The following GMPR2 variants were observed in gnomAD, a reference collection of about 807,000 sequenced individuals.
GMPR2 encodes guanosine monophosphate reductase 2.
A neutral mutation model predicts 38.5 loss-of-function variants in GMPR2; 32 were observed. The observed-to-expected ratio is 0.83, with a 90% CI of 0.63 to 1.12. The LOEUF is 1.12. Among genes scored for constraint, GMPR2 ranks in the 50% most tolerant of loss-of-function variants. The probability of loss-of-function intolerance (pLI) is 0.00; values close to 1 mark genes in which losing one functional copy is unlikely to be tolerated. For missense variants in GMPR2, 396 were observed against 432.1 expected (o/e 0.92, Z 0.74); for synonymous variants, 154 against 151.0 (o/e 1.02, Z -0.15).
intron 1 of GMPR2, 115 bp downstream of exon 1, chr14:24,233,092 C>G (rs1594510321): frequency 1.6e-6 from 2 of 1,214,538 alleles, no homozygotes; most frequent in East Asian, 2.3e-5. Context: ...GTCGAGGTGA[C>G]AGGCTTCAGG....
At chr14:24,233,974 TAC>T in intron 3 of GMPR2, 2 of 620,006 alleles carry the variant, frequency 3.2e-6, no homozygotes, top group Non-Finnish European at 2.5e-6. Flanking sequence ...GTCCAGAAAC[TAC>T]AGTTTAAGCA....
intron 3 of GMPR2, chr14:24,234,220 C>T: frequency 7.8e-7 from 1 of 1,289,398 alleles, no homozygotes; most frequent in Non-Finnish European, 1.0e-6. Context: ...TATTACCTGC[C>T]TCTATACTTG....
chr14:24,235,966 G>A lies in GMPR2; in HGVS notation c.292-1G>A, dbSNP rs1295228513. The A allele has an allele frequency of 3.7e-6, 6 of 1,613,748 alleles. No individual in the cohort carries two copies. The highest frequency in any genetic ancestry group is 4.2e-6 in the Non-Finnish European group (5 of 1,179,748). On this transcript the variant is annotated splice_acceptor_variant, in intron 4 of 9. Transcript: ENST00000399440. LOFTEE classifies it high-confidence loss of function. ...TGCCAATGACTCTGTTTCTCCCACA[G>A]CATCTGGCTGCCAGCTCAGGCACAG...
At chr14:24,235,612 A>C (rs1246228530) in intron 3 of GMPR2, 125 bp from the exon 4 acceptor site, 25 of 722,092 alleles carry the variant, frequency 3.5e-5, no homozygotes, top group Non-Finnish European at 5.7e-5. Context: ...GCTCAACCTG[A>C]GTTCTTTGAC....
At chr14:24,236,777 T>C (rs2138969626) in intron 5 of GMPR2, among the ~76,000 whole-genome samples, 1 of 152,326 alleles carries the variant, frequency 6.6e-6, no homozygotes, top group South Asian at 2.1e-4. Context: ...GTGTCCCTGT[T>C]GATCATAGCA....
At position 24,238,323 on chromosome 14, in the gene GMPR2, G is replaced by T; in HGVS notation, c.775G>T (p.Asp259Tyr). 1.2e-6 allele frequency: 2 copies of T among 1,614,154 alleles called. No homozygotes were observed. Among genetic ancestry groups the T allele is most frequent in the Non-Finnish European group, 1.7e-6 (2 of 1,180,018 alleles). ...GTCAGGTGGTGAGCTCATCGAGAGG[G>T]ATGGCAAGAAGTACAAGCTCTTCTA... ...SESGGELIER[D>Y]GKKYKLFYGM... The change falls in exon 9 of 10, where the codon GAT (aspartate) becomes TAT (tyrosine). Residue 259 changes from aspartate to tyrosine, a missense_variant. Coordinates refer to ENST00000399440, the MANE Select transcript of GMPR2 (RefSeq NM_001002002.3).
upstream of GMPR2, chr14:24,232,922 A>T (rs1041544400): frequency 1.2e-4 from 52 of 446,854 alleles, 1 homozygote; most frequent in African/African-American, 8.6e-4. Context: ...CGTTCCCCTA[A>T]ATCAGCCTCT....
rs1005261734 is a variant in GMPR2 at position 24,235,610 on chromosome 14, T to TGA, written c.208-125_208-124dup. On this transcript the variant is annotated intron_variant, in intron 3 of 9. Transcript: ENST00000399440. Reference sequence around the variant, plus strand: ...GTTGAACTCAAATCCCAGCTCAACCTGAGTTCTTTGACTTGTTTCCTCCCC... The same window carrying TGA: ...GTTGAACTCAAATCCCAGCTCAACCTGAGAGTTCTTTGACTTGTTTCCTCCCC... The TGA allele has an allele frequency of 4.2e-5, 30 of 718,850 alleles. No homozygotes were observed. The Admixed American group carries it at 6.3e-4, about 15-fold the overall frequency. 44.5% of individuals were successfully genotyped at this position (718,850 alleles called of 1,614,324 possible). A position where few individuals can be genotyped will look rare whatever the true frequency, so the allele number is the denominator to read the frequency against.
At chr14:24,233,191 T>C in intron 1 of GMPR2, 28 bp from the exon 2 acceptor site, 1 of 1,612,676 alleles carries the variant, frequency 6.2e-7, no homozygotes, top group Non-Finnish European at 8.5e-7. Flanking sequence ...CAGGGGAAGA[T>C]TGGTCCTTAT....
chr14:24,236,272 AT>A, intron 5 of GMPR2, 132 bp downstream of exon 5: 2 of 729,660 alleles, frequency 2.7e-6, no homozygotes, highest in Non-Finnish European at 2.4e-6. Flanking sequence ...CTGGATGATT[AT>A]CCATAGTTCT....
rs373743451 is a variant in GMPR2, at chr14:24,237,139, G to A, written c.534G>A (p.Val178=). Reference sequence around the variant, plus strand: ...TTTCTGGGGCTGACATCATCAAAGTGGGAATTGGGCCAGGTAAGCTGGTTC... The same window carrying A: ...TTTCTGGGGCTGACATCATCAAAGTAGGAATTGGGCCAGGTAAGCTGGTTC... The part of the protein sequence containing the change: ...LILSGADIIK[V]GIGPGSVCTT... Residue 178 remains valine, a synonymous_variant, in exon 6 of 10, where the codon GTG becomes GTA. Transcript: ENST00000399440. 101 of 1,609,552 alleles carry A rather than the reference G, an allele frequency of 6.3e-5. No homozygotes were observed. Among genetic ancestry groups the A allele is most frequent in the Non-Finnish European group, 8.4e-5 (99 of 1,175,886 alleles).
intron 8 of GMPR2, 196 bp from the exon 9 acceptor site, chr14:24,238,047 TGGG>T: frequency 1.8e-6 from 1 of 540,730 alleles, no homozygotes. Flanking sequence ...TTTTAAATCT[TGGG>T]GAAATCATAC....
chr14:24,237,098 G>A lies in GMPR2; in HGVS notation c.493G>A (p.Val165Ile). The A allele has an allele frequency of 6.2e-7, 1 of 1,613,602 alleles. No individual in the cohort carries two copies. Among genetic ancestry groups the A allele is most frequent in the Non-Finnish European group, 8.5e-7 (1 of 1,179,472 alleles). Residue 165 changes from valine to isoleucine, a missense_variant, in exon 6 of 10, where the codon GTA (valine) becomes ATA (isoleucine). Physicochemically the swap from Val to Ile is conservative, Grantham distance 29 (BLOSUM62 3). Transcript: ENST00000399440. ...MAGNVVTGEM[V>I]EELILSGADI... ...AGGGAATGTGGTAACAGGAGAGATG[G>A]TAGAAGAGCTCATCCTTTCTGGGGC...
At position 24,238,760 on chromosome 14, in the gene GMPR2, C is replaced by T; in HGVS notation, c.1029C>T (p.Ile343=). The T allele has an allele frequency of 1.2e-6, 2 of 1,613,466 alleles. No individual in the cohort carries two copies. The highest frequency in any genetic ancestry group is 1.7e-6 in the Non-Finnish European group (2 of 1,179,860). Residue 343 remains isoleucine (I), a synonymous_variant, in exon 10 of 10, where the codon ATC becomes ATT. Transcript: ENST00000399440. ...FIRVTQQVNP[I]FSEAC is the part of the protein sequence containing the mutation. The stretch of plus-strand genomic sequence containing the variant: ...GAGTCACCCAGCAGGTGAATCCAAT[C>T]TTCAGTGAGGCGTGCTAGACCTGAG...
Position 24,237,276 on chromosome 14 carries a change from A to C in GMPR2, c.579A>C (p.Gly193=), listed in dbSNP as rs750548874. The C allele has an allele frequency of 1.9e-6, 3 of 1,611,844 alleles. No individual in the cohort carries two copies. The South Asian group carries it at 3.3e-5, about 18-fold the overall frequency. Residue 193 remains glycine (G), a synonymous_variant, in exon 7 of 10, where the codon GGA becomes GGC. Coordinates refer to ENST00000399440, the MANE Select transcript of GMPR2 (RefSeq NM_001002002.3). ...GSVCTTRKKT[G]VGYPQLSAVM... ...TGTGTACTACTCGGAAGAAAACTGGAGTGGGGTATCCACAGCTCAGCGCAG... is the reference window on the plus strand; with the variant it reads ...TGTGTACTACTCGGAAGAAAACTGGCGTGGGGTATCCACAGCTCAGCGCAG...
chr14:24,238,446 C>G (rs948345295), intron 9 of GMPR2, 41 bp downstream of exon 9: 1 of 1,613,926 alleles, frequency 6.2e-7, no homozygotes, highest in East Asian at 2.2e-5. Flanking sequence ...AGTATGGAGG[C>G]AGAACTCATG....
In GMPR2 at chr14:24,237,137, G is replaced by C; in HGVS notation, c.532G>C (p.Val178Leu). 1.2e-6 allele frequency: 2 copies of C among 1,610,500 alleles called. No homozygotes were observed. The highest frequency in any genetic ancestry group is 3.3e-4 in the Middle Eastern group (2 of 6,054). The part of the protein sequence containing the change: ...LILSGADIIK[V>L]GIGPGSVCTT... Reference sequence around the variant, plus strand: ...CCTTTCTGGGGCTGACATCATCAAAGTGGGAATTGGGCCAGGTAAGCTGGT... The same window carrying C: ...CCTTTCTGGGGCTGACATCATCAAACTGGGAATTGGGCCAGGTAAGCTGGT... Residue 178 changes from valine (V) to leucine (L), a missense_variant, in exon 6 of 10, where the codon GTG (valine) becomes CTG (leucine). Physicochemically the swap from Val to Leu is conservative, Grantham distance 32. Coordinates refer to ENST00000399440, the MANE Select transcript of GMPR2 (RefSeq NM_001002002.3).
intron 5 of GMPR2, among the ~76,000 whole-genome samples, chr14:24,236,779 A>T (rs1483622358): frequency 6.6e-6 from 1 of 152,094 alleles, no homozygotes; most frequent in East Asian, 1.9e-4. Flanking sequence ...GTCCCTGTTG[A>T]TCATAGCACC....
At position 24,239,149 on chromosome 14, in the gene GMPR2, G is replaced by A. The variant is rs558592241; in HGVS notation, c.*371G>A. ...TTTTAGAATCATGTTTTGTTAATCCGCTTCACTAAATTGGACCTTCACATA... is the reference window on the plus strand; with the variant it reads ...TTTTAGAATCATGTTTTGTTAATCCACTTCACTAAATTGGACCTTCACATA... On this transcript the variant is annotated 3_prime_UTR_variant, in exon 10 of 10. Coordinates refer to ENST00000399440, the MANE Select transcript of GMPR2 (RefSeq NM_001002002.3). 6 of 385,538 alleles carry A rather than the reference G, an allele frequency of 1.6e-5. No homozygotes were observed. The highest frequency in any genetic ancestry group is 6.3e-5 in the African/African-American group (3 of 47,722). 23.9% of individuals were successfully genotyped at this position (385,538 alleles called of 1,614,324 possible). A position where few individuals can be genotyped will look rare whatever the true frequency, so the allele number is the denominator to read the frequency against.
Sources: allele counts gnomAD v4.1 joint callset (sites outside exome capture counted in the v4.1 genomes callset), GRCh38; gene constraint gnomAD v4.1.1; transcripts MANE v1.5; gene names NCBI Gene and HGNC (gene_info 2026-07-23, HGNC 2026-07-21).